Variants in TENM2 observed in about 807,000 individuals in gnomAD.
TENM2 encodes the protein teneurin-2.
Under a neutral mutation model 245.2 loss-of-function variants are expected in TENM2, and 52 were observed. That is an observed-to-expected ratio of 0.21 (90% CI 0.17 to 0.27). The LOEUF (loss-of-function observed/expected upper bound fraction) is 0.27, where lower values mean the gene tolerates loss of function less well. Among genes scored for constraint, TENM2 ranks in the 10% least tolerant of loss-of-function variants. The probability of loss-of-function intolerance (pLI) is 1.00; values close to 1 mark genes in which losing one functional copy is unlikely to be tolerated. For missense variants in TENM2, 3,046 were observed against 3,666.8 expected (o/e 0.83, Z 4.37); for synonymous variants, 1,363 against 1,438.9 (o/e 0.95, Z 1.19).
chr5:168,222,238 T>TCCCACCTC (rs747599697), intron 23 of TENM2, among the ~76,000 whole-genome samples: 2 of 152,196 alleles, frequency 1.3e-5, no homozygotes, highest in African/African-American at 2.4e-5. Flanking sequence ...CCTGCTCTCT[T>TCCCACCTC]CCCACCTCCC....
At chr5:167,051,425 A>G in the TENM2 span, among the ~76,000 whole-genome samples, 1 of 89,976 alleles carries the variant, frequency 1.1e-5, no homozygotes, top group African/African-American at 1.0e-4. Context: ...GCAAATGGTG[A>G]ATTGGGAGAA....
chr5:167,891,652 T>A (rs1381514789), intron 3 of TENM2, among the ~76,000 whole-genome samples: 1 of 152,174 alleles, frequency 6.6e-6, no homozygotes, highest in African/African-American at 2.4e-5. Flanking sequence ...GTATACAGCA[T>A]GGGAGATCAC....
chr5:167,738,463 C>G (rs1400352018), intron 2 of TENM2, among the ~76,000 whole-genome samples: 2 of 152,092 alleles, frequency 1.3e-5, no homozygotes, highest in African/African-American at 4.8e-5. Context: ...ATGTCTGTCC[C>G]CCTTGCAAAA....
chr5:167,426,567 T>A (rs1010515815), intron 2 of TENM2, among the ~76,000 whole-genome samples: 1 of 129,628 alleles, frequency 7.7e-6, no homozygotes, highest in Non-Finnish European at 1.7e-5. Flanking sequence ...AAAAAAAAAA[T>A]TCTAGATTTA....
chr5:167,243,522 T>G, the TENM2 span, among the ~76,000 whole-genome samples: 1 of 152,116 alleles, frequency 6.6e-6, no homozygotes, highest in Non-Finnish European at 1.5e-5. Context: ...ATTGTTGTAG[T>G]GAGTTGGTGG....
intron 2 of TENM2, among the ~76,000 whole-genome samples, chr5:167,594,217 A>G (rs146532956): frequency 5.8e-4 from 88 of 152,306 alleles, no homozygotes; most frequent in African/African-American, 2.1e-3. Context: ...ATATGATACA[A>G]TGCCAGGTGT....
At chr5:167,228,936 G>A in the TENM2 span, among the ~76,000 whole-genome samples, 3 of 152,130 alleles carry the variant, frequency 2.0e-5, no homozygotes, top group African/African-American at 7.2e-5. Flanking sequence ...TCCTGACCTT[G>A]TGATCCGCCC....
At chr5:167,576,813 A>G (rs1371165894) in intron 2 of TENM2, among the ~76,000 whole-genome samples, 1 of 152,106 alleles carries the variant, frequency 6.6e-6, no homozygotes, top group Non-Finnish European at 1.5e-5. Flanking sequence ...CTGTTTTCCC[A>G]CTGAATATTA....
chr5:167,142,824 A>G, the TENM2 span, among the ~76,000 whole-genome samples: 1 of 152,232 alleles, frequency 6.6e-6, no homozygotes, highest in African/African-American at 2.4e-5. Flanking sequence ...TGCTGAGATT[A>G]CAGGCATGAG....
chr5:168,074,668 C>G (rs938285384), intron 7 of TENM2, among the ~76,000 whole-genome samples: 2 of 152,184 alleles, frequency 1.3e-5, no homozygotes, highest in African/African-American at 4.8e-5. Flanking sequence ...TCCTCACTCC[C>G]TGGACTCCAC....
chr5:167,458,895 G>A (rs1766109999), intron 2 of TENM2, among the ~76,000 whole-genome samples: 1 of 152,214 alleles, frequency 6.6e-6, no homozygotes. Context: ...TCTAGTTCCA[G>A]AATCCGTCTT....
the TENM2 span, among the ~76,000 whole-genome samples, chr5:167,047,796 T>C: frequency 1.3e-5 from 2 of 152,182 alleles, no homozygotes; most frequent in African/African-American, 4.8e-5. Context: ...GTGGTGGTTG[T>C]GTGATGATGT....
the TENM2 span, among the ~76,000 whole-genome samples, chr5:167,073,755 G>T: frequency 6.6e-6 from 1 of 152,206 alleles, no homozygotes; most frequent in African/African-American, 2.4e-5. Context: ...ATCCTAGAGT[G>T]CAAAGGCCTT....
the TENM2 span, among the ~76,000 whole-genome samples, chr5:167,046,483 C>T: frequency 6.6e-6 from 1 of 152,082 alleles, no homozygotes; most frequent in Non-Finnish European, 1.5e-5. Flanking sequence ...CGTTGAAATG[C>T]GTGCCTACTT....
intron 2 of TENM2, among the ~76,000 whole-genome samples, chr5:167,580,480 C>A (rs1775011731): frequency 1.3e-5 from 2 of 152,186 alleles, no homozygotes; most frequent in South Asian, 4.1e-4. Flanking sequence ...TAACTGGGTG[C>A]CAATCAGTCC....
rs1234290130 is a variant in TENM2 at position 168,054,419 on chromosome 5, A to G, written c.1309+6870A>G. On this transcript the variant is annotated intron_variant, in intron 6 of 28. Transcript: ENST00000518659. ...CCTCAGATGGTTGTCCTGATTCCCAAATAAATGGAAACGAGGTGTAATGAC... is the reference window on the plus strand; with the variant it reads ...CCTCAGATGGTTGTCCTGATTCCCAGATAAATGGAAACGAGGTGTAATGAC... 5.3e-5 allele frequency among the ~76,000 whole-genome samples: 8 copies of G among 152,366 alleles called. No individual in the cohort carries two copies. In the East Asian group the frequency reaches 1.3e-3, roughly 26 times the overall value.
chr5:167,340,461 A>G (rs1409445661), intron 1 of TENM2, among the ~76,000 whole-genome samples: 2 of 152,232 alleles, frequency 1.3e-5, no homozygotes, highest in East Asian at 3.8e-4. Flanking sequence ...ATCTCTCTCC[A>G]TGACTTGCAA....
chr5:167,311,599 G>C (rs1472296082), intron 1 of TENM2, among the ~76,000 whole-genome samples: 1 of 152,014 alleles, frequency 6.6e-6, no homozygotes, highest in East Asian at 1.9e-4. Context: ...TAGTTTTCGT[G>C]CGTTTTTCAT....
At chr5:167,085,526 A>G in the TENM2 span, among the ~76,000 whole-genome samples, 1 of 152,168 alleles carries the variant, frequency 6.6e-6, no homozygotes, top group Non-Finnish European at 1.5e-5. Flanking sequence ...CTTTGCATGC[A>G]TTATTTTATT....
Sources: gnomAD v4.1 joint callset for allele counts (sites outside exome capture counted in the v4.1 genomes callset) on GRCh38, gnomAD v4.1.1 for gene constraint, MANE v1.5 for transcripts, NCBI Gene and HGNC (gene_info 2026-07-23, HGNC 2026-07-21) for gene names.